ZDHHC2: variants seen among roughly 807,000 people sequenced by gnomAD.
The protein encoded by ZDHHC2 is zDHHC palmitoyltransferase 2, also known as palmitoyltransferase ZDHHC2.
A neutral mutation model predicts 55.6 loss-of-function variants in ZDHHC2; 51 were observed. The ratio of observed to expected loss-of-function variants is 0.92; its 90% confidence interval spans 0.73 to 1.16. ZDHHC2 has a LOEUF of 1.16. ZDHHC2 is among the 50% of genes most tolerant of loss of function. The pLI, the probability that ZDHHC2 is intolerant of heterozygous loss-of-function variation, is 0.00. For missense variants in ZDHHC2, 491 were observed against 442.4 expected, an observed-to-expected ratio of 1.11 and a Z score of -0.99; for synonymous variants, 199 against 152.9, an observed-to-expected ratio of 1.30 and a Z score of -2.22.
At position 17,156,654 on chromosome 8, in the gene ZDHHC2, C is replaced by T. The variant is rs1464524156; in HGVS notation, c.-70C>T. ...AGCCCGTCCAGCCAGGGGTGCCGGGCCCGCCCAGCCCGCCCCGGAGCCAGG... is the reference window on the plus strand; with the variant it reads ...AGCCCGTCCAGCCAGGGGTGCCGGGTCCGCCCAGCCCGCCCCGGAGCCAGG... On this transcript the variant is annotated 5_prime_UTR_variant, in exon 1 of 13. Transcript: ENST00000262096. The T allele has an allele frequency of 2.6e-6, 3 of 1,140,512 alleles. No individual in the cohort carries two copies. Among genetic ancestry groups the T allele is most frequent in the Non-Finnish European group, 3.2e-6 (3 of 931,020 alleles). The allele number at this position is 1,140,512 out of a possible 1,614,324, so 70.6% of individuals were successfully genotyped here.
At chr8:17,174,058 A>G (rs1339550458) in intron 1 of ZDHHC2, among the ~76,000 whole-genome samples, 1 of 151,106 alleles carries the variant, frequency 6.6e-6, no homozygotes, top group Non-Finnish European at 1.5e-5. Flanking sequence ...CCCTGCCGGC[A>G]CCTCAATTTG....
chr8:17,195,614 C>T lies in ZDHHC2; in HGVS notation c.363C>T (p.Thr121=). 2 of 1,613,766 alleles carry T rather than the reference C, an allele frequency of 1.2e-6. No individual in the cohort carries two copies. Among genetic ancestry groups the T allele is most frequent in the Non-Finnish European group, 1.7e-6 (2 of 1,179,730 alleles). ...AAKDLPIYTR[T]MSGAIRYCDR... is the part of the protein sequence containing the mutation. The stretch of plus-strand genomic sequence containing the variant: ...AGGATCTTCCCATCTATACCAGGAC[C>T]ATGTCTGGAGGTAAATGTTGATAAT... Residue 121 remains threonine, a synonymous_variant, in exon 4 of 13, where the codon ACC becomes ACT. Transcript: ENST00000262096.
chr8:17,209,201 G>T (rs1048854601), intron 8 of ZDHHC2, among the ~76,000 whole-genome samples: 1 of 152,118 alleles, frequency 6.6e-6, no homozygotes, highest in Admixed American at 6.6e-5. Flanking sequence ...AACCAGCTTC[G>T]ATAGGCAGAA....
chr8:17,193,622 A>G (rs917517775), intron 3 of ZDHHC2, among the ~76,000 whole-genome samples: 1 of 152,226 alleles, frequency 6.6e-6, no homozygotes, highest in African/African-American at 2.4e-5. Flanking sequence ...CCTTCCCTTC[A>G]GGGTAGAGAG....
chr8:17,156,755 G>A lies in ZDHHC2; in HGVS notation c.32G>A (p.Arg11Lys). ...CCCTCGGGCCCGGGCAGCAGCGCCA[G>A]GCGGCGGTGCCGGCGGGTGCTGTAC... MAPSGPGSSA[R>K]RRCRRVLYWI... The change falls in exon 1 of 13, where the codon AGG (arginine) becomes AAG (lysine). Residue 11 changes from arginine (R) to lysine (K), a missense_variant. Coordinates refer to ENST00000262096, the MANE Select transcript of ZDHHC2 (RefSeq NM_016353.5). 23 of 1,501,518 alleles carry A rather than the reference G, an allele frequency of 1.5e-5. No individual in the cohort carries two copies. The highest frequency in any genetic ancestry group is 2.0e-5 in the Non-Finnish European group (23 of 1,123,596). 93.0% of individuals were successfully genotyped at this position (1,501,518 alleles called of 1,614,324 possible).
chr8:17,202,040 T>G (rs985750832), intron 6 of ZDHHC2, among the ~76,000 whole-genome samples: 2 of 152,192 alleles, frequency 1.3e-5, no homozygotes, highest in African/African-American at 4.8e-5. Flanking sequence ...TTTTTTTCCT[T>G]TAGTATAAGA....
At chr8:17,184,448 G>GC (rs1432702626) in intron 1 of ZDHHC2, among the ~76,000 whole-genome samples, 1 of 152,224 alleles carries the variant, frequency 6.6e-6, no homozygotes, top group African/African-American at 2.4e-5. Flanking sequence ...GACCTGGAGA[G>GC]CATTGCTTTT....
intron 3 of ZDHHC2, among the ~76,000 whole-genome samples, chr8:17,191,189 T>C (rs1304660423): frequency 1.3e-5 from 2 of 151,992 alleles, no homozygotes; most frequent in Non-Finnish European, 2.9e-5. Context: ...CTCAAACTCC[T>C]GACCTCGTGA....
intron 10 of ZDHHC2, among the ~76,000 whole-genome samples, chr8:17,213,371 A>G (rs1585740527): frequency 6.6e-6 from 1 of 151,726 alleles, no homozygotes; most frequent in African/African-American, 2.4e-5. Context: ...CTATTGCCTC[A>G]GCCTCCCCAG....
rs931639729 is a variant in ZDHHC2, at chr8:17,171,224, A to G, written c.131-13565A>G. Among the ~76,000 whole-genome samples the G allele has an allele frequency of 3.3e-5, 5 of 152,168 alleles. No individual in the cohort carries two copies. In the South Asian group the frequency reaches 1.0e-3, roughly 32 times the overall value. On this transcript the variant is annotated intron_variant, in intron 1 of 12. Transcript: ENST00000262096. The stretch of plus-strand genomic sequence containing the variant: ...CATGTGTAGAAAAGGAAACACCCAT[A>G]CAACTCTATCTAAACAGGAGAAGTA...
chr8:17,202,774 C>T (rs1468954747), intron 6 of ZDHHC2, among the ~76,000 whole-genome samples: 1 of 151,284 alleles, frequency 6.6e-6, no homozygotes, highest in Admixed American at 6.6e-5. Context: ...CACATACATA[C>T]ACACACACAT....
rs1239513872 is a variant in ZDHHC2, at chr8:17,205,786, A to G, written c.597+11A>G. The G allele has an allele frequency of 1.9e-6, 3 of 1,589,092 alleles. No individual in the cohort carries two copies. In the South Asian group the frequency reaches 3.5e-5, roughly 19 times the overall value. On this transcript the variant is annotated intron_variant, in intron 7 of 12. Coordinates refer to ENST00000262096, the MANE Select transcript of ZDHHC2 (RefSeq NM_016353.5). ...ATCAAATTTTGGACAGTAAGTCATT[A>G]ACTTGGTAACTCTTTTTTTGGTATA...
At chr8:17,201,663 TG>T (rs962491289) in intron 6 of ZDHHC2, among the ~76,000 whole-genome samples, 43 of 48,458 alleles carry the variant, frequency 8.9e-4, no homozygotes, top group Non-Finnish European at 1.7e-3. Flanking sequence ...TCACGGTTTT[TG>T]GTTTTTTTTT....
At chr8:17,203,184 C>T (rs1030629778) in intron 6 of ZDHHC2, among the ~76,000 whole-genome samples, 1 of 151,076 alleles carries the variant, frequency 6.6e-6, no homozygotes, top group Non-Finnish European at 1.5e-5. Flanking sequence ...CACAGCCTCC[C>T]GAGTAGCTGG....
At chr8:17,175,147 G>T (rs1805064747) in intron 1 of ZDHHC2, among the ~76,000 whole-genome samples, 1 of 152,144 alleles carries the variant, frequency 6.6e-6, no homozygotes, top group African/African-American at 2.4e-5. Flanking sequence ...TTCTGAGGTA[G>T]AGGCTGGGGA....
intron 10 of ZDHHC2, among the ~76,000 whole-genome samples, chr8:17,212,937 A>G (rs1807457459): frequency 6.6e-6 from 1 of 152,002 alleles, no homozygotes; most frequent in South Asian, 2.1e-4. Context: ...ATCATAGCTC[A>G]CTGCAGCCTC....
intron 3 of ZDHHC2, among the ~76,000 whole-genome samples, chr8:17,193,831 C>G (rs1806168101): frequency 6.6e-6 from 1 of 152,080 alleles, no homozygotes; most frequent in Non-Finnish European, 1.5e-5. Flanking sequence ...AGGTTTGTTA[C>G]ATAGGTATAC....
At position 17,208,033 on chromosome 8, in the gene ZDHHC2, G is replaced by A; in HGVS notation, c.671G>A (p.Ser224Asn). The A allele has an allele frequency of 6.3e-7, 1 of 1,593,998 alleles. No homozygotes were observed. The highest frequency in any genetic ancestry group is 1.1e-5 in the South Asian group (1 of 88,006). ...LFFAAAMFSVSLSSLFGYHCW... is the reference protein window; with the variant it reads ...LFFAAAMFSVNLSSLFGYHCW... ...TTTGCTGCAGCTATGTTTTCTGTCA[G>A]CTTGTCTTCTCTGTTTGGCTATCAT... Residue 224 changes from serine (S) to asparagine (N), a missense_variant, in exon 8 of 13, where the codon AGC (serine) becomes AAC (asparagine). Coordinates refer to ENST00000262096, the MANE Select transcript of ZDHHC2 (RefSeq NM_016353.5).
At chr8:17,204,509 C>T (rs527907426) in intron 6 of ZDHHC2, among the ~76,000 whole-genome samples, 5 of 152,340 alleles carry the variant, frequency 3.3e-5, no homozygotes, top group Non-Finnish European at 1.5e-5. Context: ...CACATTGACA[C>T]AAGGTCATCC....
Sources: gnomAD v4.1 joint callset for allele counts (sites outside exome capture counted in the v4.1 genomes callset) on GRCh38, gnomAD v4.1.1 for gene constraint, MANE v1.5 for transcripts, NCBI Gene and HGNC (gene_info 2026-07-23, HGNC 2026-07-21) for gene names.